CFAP61: variants seen among roughly 807,000 people sequenced by gnomAD.
The protein encoded by CFAP61 is cilia- and flagella-associated protein 61.
In CFAP61, 107 loss-of-function variants were observed where a neutral mutation model predicts 135.6. That is an observed-to-expected ratio of 0.79 (90% CI 0.67 to 0.93). CFAP61 has a LOEUF of 0.93. Ranked by LOEUF, CFAP61 falls within the 40% of genes least tolerant of loss-of-function variation. CFAP61 has a pLI of 0.00. For synonymous variants in CFAP61, 575 were observed against 578.5 expected (o/e 0.99, Z 0.09); for missense variants, 1,507 against 1,556.2 (o/e 0.97, Z 0.53).
intron 7 of CFAP61, 26 bp from the exon 8 acceptor site, chr20:20,098,629 A>G: frequency 1.3e-6 from 2 of 1,535,760 alleles, no homozygotes; most frequent in African/African-American, 2.8e-5. Context: ...AAAAAAAAGA[A>G]TAATGAGGTG....
intron 13 of CFAP61, among the ~76,000 whole-genome samples, chr20:20,182,249 T>A (rs2055156928): frequency 6.6e-6 from 1 of 152,176 alleles, no homozygotes; most frequent in Non-Finnish European, 1.5e-5. Flanking sequence ...GATGACATAA[T>A]ATATATTTTT....
Position 20,290,333 on chromosome 20 carries a change from A to T in CFAP61, c.3158A>T (p.His1053Leu). The change falls in exon 24 of 27, where the codon CAT becomes CTT. Residue 1053 changes from histidine to leucine, a missense_variant. Physicochemically the swap from His to Leu is moderately conservative, Grantham distance 99. Transcript: ENST00000245957. Reference sequence around the variant, plus strand: ...CTTCCTGGGTCTTACCATTATCTGCATATTGCCAAGCCTGCCATTCCAACT... The same window carrying T: ...CTTCCTGGGTCTTACCATTATCTGCTTATTGCCAAGCCTGCCATTCCAACT... ...GILPGSYHYL[H>L]IAKPAIPTPL... 6.2e-7 allele frequency: 1 copy of T among 1,613,674 alleles called. No homozygotes were observed. Among genetic ancestry groups the T allele is most frequent in the East Asian group, 2.2e-5 (1 of 44,888 alleles).
chr20:20,058,538 C>A (rs2044550227), intron 2 of CFAP61, among the ~76,000 whole-genome samples: 1 of 152,170 alleles, frequency 6.6e-6, no homozygotes, highest in South Asian at 2.1e-4. Flanking sequence ...CATGTGACCC[C>A]TTTGTATAAA....
intron 25 of CFAP61, among the ~76,000 whole-genome samples, chr20:20,301,499 G>A (rs533930186): frequency 6.6e-6 from 1 of 152,354 alleles, no homozygotes; most frequent in East Asian, 1.9e-4. Context: ...AGCAGTGAAT[G>A]AGAGAGCTCC....
intron 2 of CFAP61, among the ~76,000 whole-genome samples, chr20:20,065,274 C>T (rs1219554635): frequency 4.6e-5 from 7 of 152,014 alleles, no homozygotes; most frequent in African/African-American, 1.7e-4. Context: ...CCCTTGGATA[C>T]CTAGTAGGCA....
At chr20:20,106,819 A>G (rs1356974418) in intron 8 of CFAP61, among the ~76,000 whole-genome samples, 1 of 152,148 alleles carries the variant, frequency 6.6e-6, no homozygotes, top group East Asian at 1.9e-4. Flanking sequence ...TTCCATTTTC[A>G]GATGGAAGGC....
intron 16 of CFAP61, among the ~76,000 whole-genome samples, chr20:20,197,634 CCACACG>C (rs1477415820): frequency 6.6e-6 from 1 of 152,022 alleles, no homozygotes; most frequent in African/African-American, 2.4e-5. Context: ...CCCCCCTCCC[CCACACG>C]CACACACTCA....
intron 20 of CFAP61, among the ~76,000 whole-genome samples, chr20:20,258,064 A>G (rs1288299488): frequency 1.3e-5 from 2 of 152,228 alleles, no homozygotes; most frequent in Non-Finnish European, 1.5e-5. Flanking sequence ...AGTGAGTGTC[A>G]TGGGTGGATT....
chr20:20,152,259 C>T (rs1186673052), intron 9 of CFAP61, among the ~76,000 whole-genome samples: 4 of 151,886 alleles, frequency 2.6e-5, no homozygotes, highest in Non-Finnish European at 5.9e-5. Context: ...GAAAATAGAA[C>T]CTCCATAAGC....
chr20:20,336,642 T>C (rs1037168283), intron 25 of CFAP61, among the ~76,000 whole-genome samples: 1 of 151,530 alleles, frequency 6.6e-6, no homozygotes, highest in African/African-American at 2.4e-5. Flanking sequence ...AAAAAAAAAT[T>C]TTAAGAAAAT....
chr20:20,126,658 C>G (rs1438368547), intron 8 of CFAP61, among the ~76,000 whole-genome samples: 1 of 151,846 alleles, frequency 6.6e-6, no homozygotes, highest in African/African-American at 2.4e-5. Context: ...TTCTTTCCTT[C>G]ATCTTAACTC....
intron 18 of CFAP61, among the ~76,000 whole-genome samples, chr20:20,245,836 C>T (rs1452772977): frequency 9.2e-5 from 14 of 152,206 alleles, no homozygotes; most frequent in Admixed American, 9.2e-4. Flanking sequence ...TTACCTCCCT[C>T]CCAATTTGTT....
chr20:20,074,785 A>C (rs1345350749), intron 4 of CFAP61, among the ~76,000 whole-genome samples: 1 of 152,192 alleles, frequency 6.6e-6, no homozygotes, highest in East Asian at 1.9e-4. Flanking sequence ...AGGGCTACCG[A>C]GTCATGGCGA....
intron 10 of CFAP61, among the ~76,000 whole-genome samples, chr20:20,162,156 G>A (rs2053454988): frequency 6.6e-6 from 1 of 152,056 alleles, no homozygotes; most frequent in Admixed American, 6.5e-5. Flanking sequence ...AGAGCTGGCA[G>A]CGCAGCATCT....
intron 19 of CFAP61, among the ~76,000 whole-genome samples, chr20:20,247,077 G>A (rs2050508519): frequency 6.6e-6 from 1 of 152,196 alleles, no homozygotes; most frequent in South Asian, 2.1e-4. Flanking sequence ...GCCACGAAGG[G>A]CCTGGGCAAG....
At chr20:20,251,316 C>T (rs1442182295) in intron 19 of CFAP61, among the ~76,000 whole-genome samples, 4 of 147,896 alleles carry the variant, frequency 2.7e-5, no homozygotes, top group South Asian at 2.2e-4. Context: ...ATTTCACACA[C>T]ACACACATAC....
chr20:20,210,135 A>G (rs1385984696), intron 17 of CFAP61, among the ~76,000 whole-genome samples: 1 of 152,172 alleles, frequency 6.6e-6, no homozygotes, highest in Non-Finnish European at 1.5e-5. Flanking sequence ...TCTTCCCAGG[A>G]CAAGGTGGCA....
intron 18 of CFAP61, among the ~76,000 whole-genome samples, chr20:20,230,173 TG>T (rs1363886314): frequency 2.0e-5 from 3 of 152,242 alleles, no homozygotes; most frequent in Admixed American, 6.5e-5. Flanking sequence ...TAAATTTTGA[TG>T]TAAGTATTGG....
At chr20:20,120,396 TG>T (rs2049520118) in intron 8 of CFAP61, among the ~76,000 whole-genome samples, 1 of 152,222 alleles carries the variant, frequency 6.6e-6, no homozygotes, top group South Asian at 2.1e-4. Context: ...ATTGACTCAT[TG>T]AAAATGATTG....
Sources: gnomAD v4.1 joint callset for allele counts (sites outside exome capture counted in the v4.1 genomes callset) on GRCh38, gnomAD v4.1.1 for gene constraint, MANE v1.5 for transcripts, NCBI Gene and HGNC (gene_info 2026-07-23, HGNC 2026-07-21) for gene names.